The following ZBBX variants were observed in gnomAD, a reference collection of about 807,000 sequenced individuals.
ZBBX encodes the protein zinc finger B-box domain-containing protein 1.
In ZBBX, 101 loss-of-function variants were observed where a neutral mutation model predicts 108.5. The ratio of observed to expected loss-of-function variants is 0.93; its 90% CI spans 0.79 to 1.10. The LOEUF (loss-of-function observed/expected upper bound fraction) is 1.10. Ranked by LOEUF, ZBBX falls within the 50% of genes least tolerant of loss-of-function variation. The pLI is 0.00. For missense variants in ZBBX, 1,009 were observed against 941.4 expected (o/e 1.07, Z -0.94); for synonymous variants, 356 against 323.4 (o/e 1.10, Z -1.08).
the ZBBX span, among the ~76,000 whole-genome samples, chr3:167,182,679 C>T: frequency 6.6e-6 from 1 of 152,166 alleles, no homozygotes; most frequent in African/African-American, 2.4e-5. Flanking sequence ...GCTTCATCTG[C>T]CCACCAAGTT....
At chr3:167,295,269 A>G (rs1298462596) in intron 18 of ZBBX, among the ~76,000 whole-genome samples, 1 of 152,188 alleles carries the variant, frequency 6.6e-6, no homozygotes, top group East Asian at 1.9e-4. Context: ...ACTGTTCACA[A>G]TAGCAGACTT....
chr3:167,343,754 T>C (rs995244099), intron 9 of ZBBX, among the ~76,000 whole-genome samples: 1 of 151,910 alleles, frequency 6.6e-6, no homozygotes, highest in Non-Finnish European at 1.5e-5. Flanking sequence ...ATCAGAACTC[T>C]TGTACATGGC....
chr3:167,374,810 G>T (rs1021483262), intron 2 of ZBBX, among the ~76,000 whole-genome samples: 3 of 152,108 alleles, frequency 2.0e-5, no homozygotes, highest in African/African-American at 7.2e-5. Context: ...GAATTCAGCT[G>T]GCTAGCATTT....
In ZBBX at chr3:167,331,323, T is replaced by C. The variant is rs566847473; in HGVS notation, c.687+2504A>G. 5.3e-5 allele frequency among the ~76,000 whole-genome samples: 8 copies of C among 152,254 alleles called. No individual in the cohort carries two copies. In the South Asian group the frequency reaches 1.5e-3, roughly 28 times the overall value. Reference sequence around the variant, plus strand: ...GGTTTTGGAAAAGACAGGATAAATTTAGTTTAAAGATAGAGTCTTAGGAGT... The same window carrying C: ...GGTTTTGGAAAAGACAGGATAAATTCAGTTTAAAGATAGAGTCTTAGGAGT... On this transcript the variant is annotated intron_variant, in intron 10 of 21. Transcript: ENST00000675490.
intron 6 of ZBBX, among the ~76,000 whole-genome samples, chr3:167,362,717 C>A (rs1264291395): frequency 6.6e-6 from 1 of 152,076 alleles, no homozygotes; most frequent in African/African-American, 2.4e-5. Context: ...CAGGACCTAG[C>A]CCCTTTCCAC....
intron 17 of ZBBX, among the ~76,000 whole-genome samples, chr3:167,301,667 G>T (rs1349307555): frequency 6.6e-6 from 1 of 151,846 alleles, no homozygotes; most frequent in East Asian, 1.9e-4. Context: ...CATTAACCTG[G>T]ACATATTTGG....
intron 1 of ZBBX, among the ~76,000 whole-genome samples, chr3:167,404,856 A>G (rs1013792754): frequency 9.2e-5 from 14 of 152,238 alleles, no homozygotes; most frequent in African/African-American, 3.4e-4. Context: ...TTTACAAATT[A>G]GCAGCCATAA....
rs1176060475 is a variant in ZBBX, at chr3:167,298,467, C to A, written c.1726-9G>T. On this transcript the variant is annotated splice_polypyrimidine_tract_variant and intron_variant, in intron 17 of 21. Coordinates refer to ENST00000675490, the MANE Select transcript of ZBBX (RefSeq NM_001199201.2). ...GCTATTTCTTGTAACAACTAAGAAA[C>A]AAAATATTCAACAATATTATTTTCT... 3 of 1,456,386 alleles carry A rather than the reference C, an allele frequency of 2.1e-6. No homozygotes were observed. In the Admixed American group the frequency reaches 6.6e-5, roughly 32 times the overall value. The allele number at this position is 1,456,386 out of a possible 1,614,324, so 90.2% of individuals were successfully genotyped here. A position where few individuals can be genotyped will look rare whatever the true frequency, so the allele number is the denominator to read the frequency against.
intron 1 of ZBBX, among the ~76,000 whole-genome samples, chr3:167,396,331 AT>A (rs1350743553): frequency 6.6e-6 from 1 of 151,634 alleles, no homozygotes; most frequent in African/African-American, 2.4e-5. Flanking sequence ...AGCCTGAGTG[AT>A]TGAGAGAATC....
At chr3:167,342,060 A>C (rs956857522) in intron 9 of ZBBX, among the ~76,000 whole-genome samples, 2 of 151,902 alleles carry the variant, frequency 1.3e-5, no homozygotes, top group South Asian at 4.1e-4. Flanking sequence ...AATGAAATGA[A>C]TAACATCTTT....
rs192720247 is a variant in ZBBX, at chr3:167,379,019, C to A, written c.-132+619G>T. 3.4e-3 allele frequency among the ~76,000 whole-genome samples: 511 copies of A among 152,304 alleles called. 2 individuals are homozygous for A. Among genetic ancestry groups the A allele is most frequent in the African/African-American group, 0.012 (494 of 41,564 alleles). On this transcript the variant is annotated intron_variant, in intron 2 of 21. Transcript: ENST00000675490. ...CATTGACCTTTGAAACCCCAGCAAT[C>A]AATACAGTCCCTATACATAATGTAG...
intron 12 of ZBBX, among the ~76,000 whole-genome samples, chr3:167,321,864 G>T (rs1302143040): frequency 2.0e-5 from 3 of 151,694 alleles, no homozygotes; most frequent in African/African-American, 4.8e-5. Flanking sequence ...ATTCATTTCT[G>T]CATTTGCGCC....
At chr3:167,187,257 G>A in the ZBBX span, among the ~76,000 whole-genome samples, 1 of 152,160 alleles carries the variant, frequency 6.6e-6, no homozygotes, top group African/African-American at 2.4e-5. Context: ...CAGAATAGTG[G>A]TAATAGTGAG....
At chr3:167,319,477 A>G (rs1372374471) in intron 12 of ZBBX, among the ~76,000 whole-genome samples, 1 of 152,062 alleles carries the variant, frequency 6.6e-6, no homozygotes, top group Non-Finnish European at 1.5e-5. Flanking sequence ...AAAAACCCAT[A>G]GAACTGTACA....
Position 167,368,533 on chromosome 3 carries a change from A to C in ZBBX, c.110T>G (p.Phe37Cys). 1 of 1,612,288 alleles carries C rather than the reference A, an allele frequency of 6.2e-7. No individual in the cohort carries two copies. The highest frequency in any genetic ancestry group is 8.5e-7 in the Non-Finnish European group (1 of 1,178,926). The part of the protein sequence containing the change: ...ELRMEKVQLE[F>C]ENQEMEKKLQ... ...TTTCTTCTCCATCTCTTGGTTCTCA[A>C]ACTCTAACTGTACTTTCTCCATTCG... Residue 37 changes from phenylalanine (F) to cysteine (C), a missense_variant, in exon 5 of 22, where the codon TTT becomes TGT. By Grantham distance (205) the Phe-to-Cys change is radical (BLOSUM62 -2). Coordinates refer to ENST00000675490, the MANE Select transcript of ZBBX (RefSeq NM_001199201.2).
chr3:167,328,374 T>C (rs1737789078), intron 10 of ZBBX, among the ~76,000 whole-genome samples: 1 of 152,148 alleles, frequency 6.6e-6, no homozygotes, highest in Non-Finnish European at 1.5e-5. Flanking sequence ...ACTAATGACT[T>C]ATCATTATGC....
chr3:167,337,335 T>C (rs1037240537), intron 9 of ZBBX, among the ~76,000 whole-genome samples: 2 of 151,996 alleles, frequency 1.3e-5, no homozygotes, highest in African/African-American at 4.8e-5. Context: ...CTGGCTAAAA[T>C]TGTGAACCCC....
At chr3:167,215,499 C>A in the ZBBX span, among the ~76,000 whole-genome samples, 1 of 151,892 alleles carries the variant, frequency 6.6e-6, no homozygotes, top group South Asian at 2.1e-4. Flanking sequence ...AGCCTAACAA[C>A]CAAAAAAATC....
At chr3:167,263,700 G>T (rs1724981758) in intron 20 of ZBBX, among the ~76,000 whole-genome samples, 1 of 152,154 alleles carries the variant, frequency 6.6e-6, no homozygotes, top group Non-Finnish European at 1.5e-5. Flanking sequence ...GCAGCTGTTG[G>T]ATGAAATGTT....
Sources: gnomAD v4.1 joint callset for allele counts (sites outside exome capture counted in the v4.1 genomes callset) on GRCh38, gnomAD v4.1.1 for gene constraint, MANE v1.5 for transcripts, NCBI Gene and HGNC (gene_info 2026-07-23, HGNC 2026-07-21) for gene names.